Variants in DSCAM observed in about 807,000 individuals in gnomAD.
The protein encoded by DSCAM is DS cell adhesion molecule.
In DSCAM, 47 loss-of-function variants were observed where a neutral mutation model predicts 217.7. That is an observed-to-expected ratio of 0.22 (90% CI 0.17 to 0.28). The LOEUF is 0.28. Among genes scored for constraint, DSCAM ranks in the 10% least tolerant of loss-of-function variants. DSCAM has a pLI of 1.00. For synonymous variants in DSCAM, 1,056 were observed against 1,015.3 expected, an observed-to-expected ratio of 1.04 and a Z score of -0.76; for missense variants, 2,080 against 2,618.3, an observed-to-expected ratio of 0.79 and a Z score of 4.49.
rs1380836833 is a variant in DSCAM, at chr21:40,024,553, T to C, written c.5687-11167A>G. ...TATCCTCTTTTATTTCGTTGAGCAG[T>C]GGTTTGTAGTTCTCCTTGAAGAGGT... On this transcript the variant is annotated intron_variant, in intron 32 of 32. Transcript: ENST00000400454. 8.4e-5 allele frequency among the ~76,000 whole-genome samples: 6 copies of C among 71,448 alleles called. 3 individuals carry two copies. Among genetic ancestry groups the C allele is most frequent in the African/African-American group, 3.3e-4 (6 of 17,956 alleles). The allele number at this position is 71,448 out of a possible 152,430, so 46.9% of individuals were successfully genotyped here.
At chr21:40,726,783 T>C (rs530976493) in intron 1 of DSCAM, among the ~76,000 whole-genome samples, 1 of 152,074 alleles carries the variant, frequency 6.6e-6, no homozygotes, top group Middle Eastern at 3.2e-3. Flanking sequence ...GGTAGAGCCT[T>C]TAAGAGGTTA....
chr21:40,158,262 C>A (rs1446032682), intron 16 of DSCAM, among the ~76,000 whole-genome samples: 2 of 151,946 alleles, frequency 1.3e-5, no homozygotes, highest in African/African-American at 4.8e-5. Context: ...TGGTGGTATG[C>A]ACTTGTAGTC....
At chr21:40,458,255 G>C (rs1478587250) in intron 3 of DSCAM, among the ~76,000 whole-genome samples, 3 of 152,120 alleles carry the variant, frequency 2.0e-5, no homozygotes, top group African/African-American at 7.2e-5. Context: ...TTGAAGACAT[G>C]CTAGGTCACA....
At chr21:40,561,760 T>A (rs1467967373) in intron 3 of DSCAM, among the ~76,000 whole-genome samples, 3 of 147,584 alleles carry the variant, frequency 2.0e-5, no homozygotes, top group Non-Finnish European at 4.5e-5. Context: ...CCGAGTGAAC[T>A]AAGCTGTCTT....
At chr21:40,301,891 A>G (rs1294112185) in intron 9 of DSCAM, among the ~76,000 whole-genome samples, 2 of 152,306 alleles carry the variant, frequency 1.3e-5, no homozygotes, top group East Asian at 3.9e-4. Flanking sequence ...ACCCAATGGA[A>G]GTGCCATCTG....
intron 8 of DSCAM, among the ~76,000 whole-genome samples, chr21:40,332,924 C>T (rs2074392098): frequency 6.6e-6 from 1 of 152,170 alleles, no homozygotes; most frequent in South Asian, 2.1e-4. Context: ...CACATATGCA[C>T]ACACTTTCCG....
intron 20 of DSCAM, among the ~76,000 whole-genome samples, chr21:40,122,759 A>G (rs1320878888): frequency 6.6e-6 from 1 of 152,206 alleles, no homozygotes; most frequent in African/African-American, 2.4e-5. Context: ...GAGTACTGCC[A>G]TGAATGCATA....
intron 1 of DSCAM, among the ~76,000 whole-genome samples, chr21:40,711,731 TG>T (rs947706154): frequency 4.6e-5 from 7 of 152,240 alleles, no homozygotes; most frequent in African/African-American, 1.4e-4. Context: ...TCCACAAGCC[TG>T]GCCCCCTCGT....
chr21:40,485,398 G>C (rs7278855), intron 3 of DSCAM, among the ~76,000 whole-genome samples: 1 of 151,038 alleles, frequency 6.6e-6, no homozygotes, highest in Admixed American at 6.6e-5. Flanking sequence ...GCCCGCCACC[G>C]CGCCCGGCTA....
chr21:40,193,797 G>A (rs972923807), intron 11 of DSCAM, among the ~76,000 whole-genome samples: 1 of 152,154 alleles, frequency 6.6e-6, no homozygotes, highest in Non-Finnish European at 1.5e-5. Flanking sequence ...TGAGAACTTG[G>A]TAAGTCACCA....
rs540830539 is a variant in DSCAM at position 40,536,348 on chromosome 21, T to G, written c.508+156462A>C. Among the ~76,000 whole-genome samples, 5 of 151,922 alleles carry G rather than the reference T, an allele frequency of 3.3e-5. 1 individual carries two copies. The South Asian group carries it at 1.0e-3, about 32-fold the overall frequency. ...TGTGAAACCATCTAAGATTCAAAGG[T>G]TTTCCAATACTCTACCAATGGATTT... is the stretch of plus-strand genomic sequence containing the variant. On this transcript the variant is annotated intron_variant, in intron 3 of 32. Coordinates refer to ENST00000400454, the MANE Select transcript of DSCAM (RefSeq NM_001389.5).
At position 40,729,189 on chromosome 21, in the gene DSCAM, C is replaced by G. The variant is rs867484428; in HGVS notation, c.44-20418G>C. Among the ~76,000 whole-genome samples, 3 of 152,328 alleles carry G rather than the reference C, an allele frequency of 2.0e-5. No homozygotes were observed. The Middle Eastern group carries it at 0.01, about 518-fold the overall frequency. On this transcript the variant is annotated intron_variant, in intron 1 of 32. Coordinates refer to ENST00000400454, the MANE Select transcript of DSCAM (RefSeq NM_001389.5). ...TAATCCTCAAACTACACCTCACAGG[C>G]TGCTATTGCTGCTATTTTTATGTCA... is the stretch of plus-strand genomic sequence containing the variant.
At chr21:40,729,877 A>T (rs2090994627) in intron 1 of DSCAM, among the ~76,000 whole-genome samples, 1 of 152,238 alleles carries the variant, frequency 6.6e-6, no homozygotes, top group South Asian at 2.1e-4. Context: ...ACTACAACCA[A>T]ATCTCAGTTG....
intron 20 of DSCAM, among the ~76,000 whole-genome samples, chr21:40,112,989 A>T (rs563491961): frequency 6.6e-6 from 1 of 152,330 alleles, no homozygotes; most frequent in East Asian, 1.9e-4. Context: ...CCAGAGGTAC[A>T]AGGAGGAGCT....
chr21:40,841,491 T>A (rs367719922), intron 1 of DSCAM, among the ~76,000 whole-genome samples: 5 of 152,330 alleles, frequency 3.3e-5, no homozygotes, highest in African/African-American at 1.2e-4. Context: ...ATGAGCATTT[T>A]TGTGCCCAGG....
At chr21:40,551,535 TCTC>T (rs1428750867) in intron 3 of DSCAM, among the ~76,000 whole-genome samples, 1 of 152,190 alleles carries the variant, frequency 6.6e-6, no homozygotes, top group African/African-American at 2.4e-5. Flanking sequence ...TCTCTGTTAA[TCTC>T]TTCAGGATTG....
At chr21:40,817,086 CTT>C (rs397772533) in intron 1 of DSCAM, among the ~76,000 whole-genome samples, 3 of 147,486 alleles carry the variant, frequency 2.0e-5, no homozygotes, top group Non-Finnish European at 3.0e-5. Flanking sequence ...AAATTAGATT[CTT>C]TTTTTTTTTT....
chr21:40,360,247 C>T (rs996397837), intron 4 of DSCAM, among the ~76,000 whole-genome samples: 1 of 149,066 alleles, frequency 6.7e-6, no homozygotes, highest in Admixed American at 6.9e-5. Flanking sequence ...ATTCTCCTGC[C>T]TTAGCCTCCC....
intron 16 of DSCAM, among the ~76,000 whole-genome samples, chr21:40,163,398 T>C (rs1321834447): frequency 6.6e-6 from 1 of 152,226 alleles, no homozygotes; most frequent in Non-Finnish European, 1.5e-5. Context: ...CTTACACAAA[T>C]CCTTTTGTTT....
Sources: allele counts gnomAD v4.1 joint callset (sites outside exome capture counted in the v4.1 genomes callset), GRCh38; gene constraint gnomAD v4.1.1; transcripts MANE v1.5; gene names NCBI Gene and HGNC (gene_info 2026-07-23, HGNC 2026-07-21).